NUP54: variants seen among roughly 807,000 people sequenced by gnomAD.
NUP54 encodes nucleoporin p54.
NUP54 carries 27 observed loss-of-function variants against 66.4 expected under a neutral mutation model. The observed-to-expected ratio is 0.41, with a 90% CI of 0.30 to 0.56. The LOEUF (loss-of-function observed/expected upper bound fraction) is 0.56, where lower values mean the gene tolerates loss of function less well. Among genes scored for constraint, NUP54 ranks in the 20% least tolerant of loss-of-function variants. The pLI is 0.34. For synonymous variants in NUP54, 206 were observed against 210.7 expected (o/e 0.98, Z 0.19); for missense variants, 486 against 596.3 (o/e 0.82, Z 1.93).
intron 9 of NUP54, chr4:76,118,573 T>TGG (rs200816514): frequency 1.8e-4 from 7 of 39,496 alleles, no homozygotes; most frequent in African/African-American, 6.9e-4. Context: ...TGTGGCGGGG[T>TGG]GGGGGGGGGG....
chr4:76,138,856 G>C (rs1186166507), intron 3 of NUP54, among the ~76,000 whole-genome samples: 1 of 152,168 alleles, frequency 6.6e-6, no homozygotes, highest in Admixed American at 6.5e-5. Context: ...CTAGACTGGA[G>C]TGTCACAGAA....
intron 8 of NUP54, among the ~76,000 whole-genome samples, chr4:76,125,470 C>CA (rs1482656577): frequency 2.0e-5 from 3 of 150,724 alleles, no homozygotes; most frequent in East Asian, 2.0e-4. Context: ...CTTGTCTCTA[C>CA]AAAAAATATA....
chr4:76,119,766 T>G (rs935089783), intron 9 of NUP54, among the ~76,000 whole-genome samples: 2 of 152,072 alleles, frequency 1.3e-5, no homozygotes, highest in African/African-American at 4.8e-5. Context: ...TTGCTGCTAC[T>G]CTCCAAGCCC....
rs746860081 is a variant in NUP54, at chr4:76,148,312, G to A, written c.63C>T (p.Pro21=). The A allele has an allele frequency of 4.0e-6, 6 of 1,509,664 alleles. No individual in the cohort carries two copies. Among genetic ancestry groups the A allele is most frequent in the East Asian group, 5.2e-5 (2 of 38,770 alleles). 93.5% of individuals were successfully genotyped at this position (1,509,664 alleles called of 1,614,324 possible). The part of the protein sequence containing the change: ...TSGTAAATAA[P]AGGFGGFGTT... The stretch of plus-strand genomic sequence containing the variant: ...AGGTCTAGGGGGATCACTCACCCGC[G>A]GGGGCCGCGGTGGCTGCAGCGGTAC... Residue 21 remains proline (P), a synonymous_variant, in exon 1 of 12, where the codon CCC becomes CCT. Coordinates refer to ENST00000264883, the MANE Select transcript of NUP54 (RefSeq NM_017426.4).
chr4:76,134,934 T>C (rs577236066), intron 4 of NUP54, among the ~76,000 whole-genome samples: 139 of 152,224 alleles, frequency 9.1e-4, no homozygotes, highest in African/African-American at 2.9e-3. Context: ...TAAAGTAGGC[T>C]AGGCTAGGCT....
chr4:76,118,743 A>G (rs932887127), intron 9 of NUP54, among the ~76,000 whole-genome samples: 11 of 151,102 alleles, frequency 7.3e-5, no homozygotes, highest in East Asian at 6.0e-4. Flanking sequence ...GGTGGCTCAC[A>G]CCTGTAATCC....
At chr4:76,125,824 A>G (rs868383503) in intron 8 of NUP54, among the ~76,000 whole-genome samples, 8 of 24,058 alleles carry the variant, frequency 3.3e-4, no homozygotes, top group South Asian at 2.7e-3. Context: ...AAGAGGGAGA[A>G]AGGGGGAGAG....
chr4:76,146,112 G>A (rs1328049407), intron 1 of NUP54: 1 of 451,838 alleles, frequency 2.2e-6, no homozygotes, highest in Non-Finnish European at 4.4e-6. Flanking sequence ...CATCAAAAAT[G>A]TTTTAGTAAT....
At chr4:76,133,061 TATA>T (rs762003996) in intron 5 of NUP54, among the ~76,000 whole-genome samples, 6 of 149,406 alleles carry the variant, frequency 4.0e-5, no homozygotes, top group Admixed American at 3.3e-4. Flanking sequence ...TATATATATA[TATA>T]TTTTTAAATT....
intron 4 of NUP54, among the ~76,000 whole-genome samples, 155 bp from the exon 5 acceptor site, chr4:76,134,517 G>A (rs912504005): frequency 1.3e-5 from 2 of 152,074 alleles, no homozygotes; most frequent in Admixed American, 6.5e-5. Context: ...TGTGCCCTAG[G>A]AGGTCACAAA....
chr4:76,147,472 T>TA, intron 1 of NUP54: 2 of 1,289,024 alleles, frequency 1.6e-6, no homozygotes, highest in South Asian at 2.5e-5. Flanking sequence ...CAACCCGCAG[T>TA]ATCTACCTGC....
intron 3 of NUP54, among the ~76,000 whole-genome samples, chr4:76,138,783 A>T (rs2109899560): frequency 6.6e-6 from 1 of 152,284 alleles, no homozygotes. Context: ...CTCTGTAGAG[A>T]CAGAGAGAGG....
At chr4:76,125,853 G>GAGA (rs1730511544) in intron 8 of NUP54, among the ~76,000 whole-genome samples, 4 of 71,108 alleles carry the variant, frequency 5.6e-5, no homozygotes, top group Non-Finnish European at 1.1e-4. Flanking sequence ...AGGGAGAGAG[G>GAGA]GGGAGGGGGA....
chr4:76,133,280 T>C (rs2109887672), intron 5 of NUP54, among the ~76,000 whole-genome samples: 1 of 151,490 alleles, frequency 6.6e-6, no homozygotes, highest in Admixed American at 6.6e-5. Context: ...AATGATAAAG[T>C]TAAAAAGAAC....
At chr4:76,117,910 C>G (rs895879873) in intron 10 of NUP54, 136 bp from the exon 11 acceptor site, 1 of 977,862 alleles carries the variant, frequency 1.0e-6, no homozygotes, top group Admixed American at 2.2e-5. Context: ...ATTCGAAACA[C>G]TAATACTAGC....
At chr4:76,144,324 A>AAT in intron 2 of NUP54, 32 bp from the exon 3 acceptor site, 1 of 52,336 alleles carries the variant, frequency 1.9e-5, no homozygotes, top group Non-Finnish European at 2.9e-5. Flanking sequence ...TTCGTAAGTT[A>AAT]AAAAAAAAAA....
chr4:76,137,569 T>C (rs1731091633), intron 3 of NUP54, among the ~76,000 whole-genome samples: 1 of 152,166 alleles, frequency 6.6e-6, no homozygotes, highest in African/African-American at 2.4e-5. Flanking sequence ...AAAATATATA[T>C]AGTAATAACA....
chr4:76,132,431 G>T, intron 6 of NUP54, 92 bp downstream of exon 6: 2 of 855,470 alleles, frequency 2.3e-6, no homozygotes, highest in Non-Finnish European at 3.5e-6. Flanking sequence ...AATTTTATTA[G>T]CATTAATAAC....
intron 3 of NUP54, among the ~76,000 whole-genome samples, chr4:76,141,204 A>G (rs1731256546): frequency 6.6e-6 from 1 of 152,182 alleles, no homozygotes; most frequent in Admixed American, 6.5e-5. Context: ...AGTGGTCCTA[A>G]CAATGCTGCT....
Sources: allele counts gnomAD v4.1 joint callset (sites outside exome capture counted in the v4.1 genomes callset), GRCh38; gene constraint gnomAD v4.1.1; transcripts MANE v1.5; gene names NCBI Gene and HGNC (gene_info 2026-07-23, HGNC 2026-07-21).